Variants in PCDHGA9 observed in about 807,000 individuals in gnomAD.
PCDHGA9 encodes the protein protocadherin gamma subfamily A, 9.
Under a neutral mutation model 62.5 loss-of-function variants are expected in PCDHGA9, and 37 were observed. The ratio of observed to expected loss-of-function variants is 0.59; its 90% CI spans 0.46 to 0.78. The LOEUF (loss-of-function observed/expected upper bound fraction) is 0.78. Ranked by LOEUF, PCDHGA9 falls within the 30% of genes least tolerant of loss-of-function variation. PCDHGA9 has a pLI of 0.00. For synonymous variants in PCDHGA9, 459 were observed against 484.6 expected, an observed-to-expected ratio of 0.95 and a Z score of 0.69; for missense variants, 1,138 against 1,166.2, an observed-to-expected ratio of 0.98 and a Z score of 0.35.
chr5:141,500,043 T>A (rs1240979831), intron 2 of PCDHGA9, among the ~76,000 whole-genome samples: 1 of 152,048 alleles, frequency 6.6e-6, no homozygotes, highest in East Asian at 1.9e-4. Flanking sequence ...CTCTTAAGTA[T>A]CTTAATGCTC....
chr5:141,437,648 A>G (rs1291089695), intron 1 of PCDHGA9, among the ~76,000 whole-genome samples: 2 of 152,204 alleles, frequency 1.3e-5, no homozygotes, highest in African/African-American at 4.8e-5. Context: ...AGAAAAGCAA[A>G]CACATAGTTT....
intron 1 of PCDHGA9, chr5:141,422,694 T>C: frequency 6.2e-7 from 1 of 1,603,912 alleles, no homozygotes; most frequent in Non-Finnish European, 8.5e-7. Context: ...CCCTGGTCAC[T>C]TACTCTCTGA....
Position 141,403,614 on chromosome 5 carries a change from G to A in PCDHGA9, c.662G>A (p.Arg221His), listed in dbSNP as rs772617526. 2.5e-6 allele frequency: 4 copies of A among 1,613,750 alleles called. No homozygotes were observed. The highest frequency in any genetic ancestry group is 3.4e-6 in the Non-Finnish European group (4 of 1,179,898). ...ACGGCCTCGGATGGCGGCGAGCCGCGTCGCTCCAGCACAGTGCGCATCCAT... is the reference window on the plus strand; with the variant it reads ...ACGGCCTCGGATGGCGGCGAGCCGCATCGCTCCAGCACAGTGCGCATCCAT... ...VLTASDGGEP[R>H]RSSTVRIHVT... Residue 221 changes from arginine to histidine, a missense_variant, in exon 1 of 4, where the codon CGT becomes CAT. By Grantham distance (29) the Arg-to-His change is conservative. Transcript: ENST00000573521.
rs141605264 is a variant in PCDHGA9, at chr5:141,479,755, A to C, written c.2425-15052A>C. The C allele has an allele frequency of 2.6e-3, 390 of 152,364 alleles. 2 individuals are homozygous for C. The highest frequency in any genetic ancestry group is 9.1e-3 in the African/African-American group (378 of 41,580). 9.4% of individuals were successfully genotyped at this position (152,364 alleles called of 1,614,324 possible). On this transcript the variant is annotated intron_variant, in intron 1 of 3. Coordinates refer to ENST00000573521, the MANE Select transcript of PCDHGA9 (RefSeq NM_018921.3). ...AGTATATGCACAATGTGAAAGGTAG[A>C]TAAATTCATATCCTTAGACAGGTAA...
intron 1 of PCDHGA9, among the ~76,000 whole-genome samples, chr5:141,443,577 G>A (rs567410923): frequency 1.3e-5 from 2 of 152,284 alleles, no homozygotes; most frequent in South Asian, 4.1e-4. Context: ...ATGGACTTGA[G>A]CTAAAACAGA....
chr5:141,428,886 G>T (rs1002869474), intron 1 of PCDHGA9: 3 of 149,710 alleles, frequency 2.0e-5, no homozygotes, highest in Non-Finnish European at 2.9e-5. Context: ...ACGGAGTCTC[G>T]CTCTGTGGTC....
At position 141,486,449 on chromosome 5, in the gene PCDHGA9, A is replaced by G; in HGVS notation, c.2425-8358A>G. On this transcript the variant is annotated intron_variant, in intron 1 of 3. Coordinates refer to ENST00000573521, the MANE Select transcript of PCDHGA9 (RefSeq NM_018921.3). The surrounding 1 kb of genome is among the most constrained non-coding windows in gnomAD (Gnocchi z 5.0). The stretch of plus-strand genomic sequence containing the variant: ...CAAATCTAGCTATGACATCATGGTC[A>G]CTGCTTCTGATGCTGGGAACCCTCC... The G allele has an allele frequency of 6.2e-7, 1 of 1,614,184 alleles. No homozygotes were observed. Among genetic ancestry groups the G allele is most frequent in the Non-Finnish European group, 8.5e-7 (1 of 1,180,000 alleles).
Position 141,438,021 on chromosome 5 carries a change from G to T in PCDHGA9, c.2424+32645G>T, listed in dbSNP as rs112167613. ...CTCCCAAATAGCTGAGATTACAGGT[G>T]TGAGCCACCATGCCCGACCACTTTG... On this transcript the variant is annotated intron_variant, in intron 1 of 3. Transcript: ENST00000573521. Among the ~76,000 whole-genome samples the T allele has an allele frequency of 1.6e-3, 250 of 152,256 alleles. 2 individuals are homozygous for T. Among genetic ancestry groups the T allele is most frequent in the African/African-American group, 5.3e-3 (221 of 41,544 alleles).
Position 141,427,885 on chromosome 5 carries a change from ACCAGGGCTCGC to A in PCDHGA9, c.2424+22512_2424+22522del, listed in dbSNP as rs772694818. 4 of 1,565,134 alleles carry A rather than the reference ACCAGGGCTCGC, an allele frequency of 2.6e-6. No homozygotes were observed. In the East Asian group the frequency reaches 6.7e-5, roughly 26 times the overall value. ...TTCGAGCTCACGATGCAGGCCCACGACCAGGGCTCGCCCGCGCTCAGCGCCAACATGAGCCG... is the reference window on the plus strand; with the variant it reads ...TTCGAGCTCACGATGCAGGCCCACGACCGCGCTCAGCGCCAACATGAGCCG... On this transcript the variant is annotated intron_variant, in intron 1 of 3. Coordinates refer to ENST00000573521, the MANE Select transcript of PCDHGA9 (RefSeq NM_018921.3).
At chr5:141,414,288 C>T (rs368826232) in intron 1 of PCDHGA9, 40 of 1,613,502 alleles carry the variant, frequency 2.5e-5, no homozygotes, top group South Asian at 4.4e-5. Context: ...CAGTCGTAGC[C>T]CTTTTAAATG....
At chr5:141,408,815 C>T (rs770899981) in intron 1 of PCDHGA9, 1 of 1,613,406 alleles carries the variant, frequency 6.2e-7, no homozygotes, top group Non-Finnish European at 8.5e-7. Flanking sequence ...CCGGGAAGAA[C>T]AGAGATCTCA....
intron 1 of PCDHGA9, among the ~76,000 whole-genome samples, chr5:141,433,680 A>G (rs570459317): frequency 1.3e-5 from 2 of 152,236 alleles, no homozygotes; most frequent in African/African-American, 4.8e-5. Context: ...TACTAAAAAA[A>G]TACAAAATTA....
Position 141,477,044 on chromosome 5 carries a change from C to T in PCDHGA9, c.2425-17763C>T, listed in dbSNP as rs750525889. ...CGGGATGCTGACAATCAAGGGTCGG[C>T]TGGACTTCGAGGACACCAAACTCCA... On this transcript the variant is annotated intron_variant, in intron 1 of 3. Coordinates refer to ENST00000573521, the MANE Select transcript of PCDHGA9 (RefSeq NM_018921.3). The surrounding 1 kb of genome is among the most constrained non-coding windows in gnomAD (Gnocchi z 4.9). 6.2e-7 allele frequency: 1 copy of T among 1,614,246 alleles called. No individual in the cohort carries two copies. Among genetic ancestry groups the T allele is most frequent in the Non-Finnish European group, 8.5e-7 (1 of 1,180,034 alleles).
At position 141,491,672 on chromosome 5, in the gene PCDHGA9, G is replaced by A. The variant is rs754836157; in HGVS notation, c.2425-3135G>A. The A allele has an allele frequency of 9.9e-6, 16 of 1,613,494 alleles. No homozygotes were observed. The South Asian group carries it at 1.4e-4, about 14-fold the overall frequency. On this transcript the variant is annotated intron_variant, in intron 1 of 3. Transcript: ENST00000573521. This position sits in a 1 kb window ranked among gnomAD's most constrained non-coding sequence, Gnocchi z 6.9. ...CTGGAGCCTGACGCCATCCGGTCCCGCTCTAATACGCTGCGGGAGCGGAGC... is the reference window on the plus strand; with the variant it reads ...CTGGAGCCTGACGCCATCCGGTCCCACTCTAATACGCTGCGGGAGCGGAGC...
In PCDHGA9 at chr5:141,476,839, G is replaced by T; in HGVS notation, c.2425-17968G>T. The T allele has an allele frequency of 1.9e-6, 3 of 1,613,610 alleles. No individual in the cohort carries two copies. Among genetic ancestry groups the T allele is most frequent in the East Asian group, 2.2e-5 (1 of 44,862 alleles). ...AGGTGCTGGACGCGAATGACAATGC[G>T]CCTGTCTTCAACCAGTCCTTGTACC... On this transcript the variant is annotated intron_variant, in intron 1 of 3. Coordinates refer to ENST00000573521, the MANE Select transcript of PCDHGA9 (RefSeq NM_018921.3). This position sits in a 1 kb window ranked among gnomAD's most constrained non-coding sequence, Gnocchi z 7.6.
At chr5:141,435,805 T>C (rs2097780946) in intron 1 of PCDHGA9, among the ~76,000 whole-genome samples, 1 of 152,178 alleles carries the variant, frequency 6.6e-6, no homozygotes, top group African/African-American at 2.4e-5. Flanking sequence ...GTCCCAATTA[T>C]TTTTTCTTTC....
rs953428261 is a variant in PCDHGA9, at chr5:141,430,262, T to C, written c.2424+24886T>C. On this transcript the variant is annotated intron_variant, in intron 1 of 3. Coordinates refer to ENST00000573521, the MANE Select transcript of PCDHGA9 (RefSeq NM_018921.3). ...AACTCCTAGGGAGACATCTCCATAA[T>C]AGGTGTGTTGGGGGAACAGTAATCT... Among the ~76,000 whole-genome samples the C allele has an allele frequency of 2.6e-5, 4 of 151,892 alleles. No homozygotes were observed. The East Asian group carries it at 5.8e-4, about 22-fold the overall frequency.
rs911465424 is a variant in PCDHGA9 at position 141,449,724 on chromosome 5, AT to A, written c.2424+44355del. ...AAACACATTATTTTTATATGATATG[AT>A]TTTTTTATGACATGATTATTTTTAT... On this transcript the variant is annotated intron_variant, in intron 1 of 3. Coordinates refer to ENST00000573521, the MANE Select transcript of PCDHGA9 (RefSeq NM_018921.3). 1.2e-4 allele frequency among the ~76,000 whole-genome samples: 18 copies of A among 151,282 alleles called. No homozygotes were observed. The South Asian group carries it at 1.9e-3, about 16-fold the overall frequency.
chr5:141,478,100 C>T, intron 1 of PCDHGA9: 1 of 1,614,124 alleles, frequency 6.2e-7, no homozygotes, highest in Non-Finnish European at 8.5e-7. Context: ...CACTGCTACC[C>T]TCACTGTGTC....
Sources: gnomAD v4.1 joint callset for allele counts (sites outside exome capture counted in the v4.1 genomes callset) on GRCh38, gnomAD v4.1.1 for gene constraint, Gnocchi (gnomAD v3.1) non-coding constraint, MANE v1.5 for transcripts, NCBI Gene and HGNC (gene_info 2026-07-23, HGNC 2026-07-21) for gene names.